The following BRAF variants were observed in gnomAD, a reference collection of about 807,000 sequenced individuals.
BRAF encodes the protein serine/threonine-protein kinase B-raf.
A neutral mutation model predicts 104.6 loss-of-function variants in BRAF; 16 were observed. That is an observed-to-expected ratio of 0.15 (90% CI 0.10 to 0.23). BRAF has a LOEUF of 0.23. Ranked by LOEUF, BRAF falls within the 10% of genes least tolerant of loss-of-function variation. BRAF has a pLI of 1.00. For missense variants in BRAF, 541 were observed against 937.3 expected, an observed-to-expected ratio of 0.58 and a Z score of 5.52; for synonymous variants, 310 against 341.6, an observed-to-expected ratio of 0.91 and a Z score of 1.02.
rs566795675 is a variant in BRAF, at chr7:140,924,246, C to T, written c.138+320G>A. Among the ~76,000 whole-genome samples, 1 of 152,138 alleles carries T rather than the reference C, an allele frequency of 6.6e-6. No individual in the cohort carries two copies. Among genetic ancestry groups the T allele is most frequent in the African/African-American group, 2.4e-5 (1 of 41,532 alleles). ...CCCCACAGAGATGCAGAGCTGGATA[C>T]TTCAGCCAATCGTGACCTTCTCGGA... On this transcript the variant is annotated intron_variant, in intron 1 of 19. Coordinates refer to ENST00000644969, the MANE Select transcript of BRAF (RefSeq NM_001374258.1). This position sits in a 1 kb window ranked among gnomAD's most constrained non-coding sequence, Gnocchi z 4.2.
chr7:140,896,863 C>CAAAAAAAAAAA (rs766150256), intron 1 of BRAF, among the ~76,000 whole-genome samples: 1 of 36,740 alleles, frequency 2.7e-5, no homozygotes, highest in Non-Finnish European at 6.2e-5. Context: ...GACTCCATCT[C>CAAAAAAAAAAA]AAAAAAAAAA....
Position 140,720,388 on chromosome 7 carries a change from G to A in BRAF, c.*6106C>T. On this transcript the variant is annotated 3_prime_UTR_variant, in exon 20 of 20. Transcript: ENST00000644969. ...GGACAGCACAGAGACATACACCCCT[G>A]TATGTAAACTAACATAACATGAAGA... 1 of 1,062,124 alleles carries A rather than the reference G, an allele frequency of 9.4e-7. No homozygotes were observed. Among genetic ancestry groups the A allele is most frequent in the South Asian group, 4.6e-5 (1 of 21,946 alleles). 65.8% of individuals were successfully genotyped at this position (1,062,124 alleles called of 1,614,324 possible). A position where few individuals can be genotyped will look rare whatever the true frequency, so the allele number is the denominator to read the frequency against.
chr7:140,922,951 A>G (rs1818383189), intron 1 of BRAF, among the ~76,000 whole-genome samples: 1 of 152,212 alleles, frequency 6.6e-6, no homozygotes, highest in Non-Finnish European at 1.5e-5. Context: ...CTTAGAAATC[A>G]AGAAGCTGGG....
chr7:140,757,826 A>C (rs1461952360), intron 14 of BRAF, among the ~76,000 whole-genome samples: 1 of 152,196 alleles, frequency 6.6e-6, no homozygotes, highest in Non-Finnish European at 1.5e-5. Context: ...TCAAGAGAGG[A>C]CTGAGGATAG....
At chr7:140,831,461 T>A in intron 3 of BRAF, among the ~76,000 whole-genome samples, 1 of 152,288 alleles carries the variant, frequency 6.6e-6, no homozygotes, top group East Asian at 1.9e-4. Flanking sequence ...AGCAGTCACA[T>A]AGAACTCTCC....
At chr7:140,885,903 G>T (rs1209344547) in intron 1 of BRAF, among the ~76,000 whole-genome samples, 2 of 152,108 alleles carry the variant, frequency 1.3e-5, no homozygotes, top group East Asian at 3.8e-4. Context: ...AATCATCAGT[G>T]GCATCAAGGT....
At chr7:140,742,384 G>T (rs978379539) in intron 17 of BRAF, among the ~76,000 whole-genome samples, 3 of 151,852 alleles carry the variant, frequency 2.0e-5, no homozygotes, top group East Asian at 1.9e-4. Context: ...AGTAGAGATG[G>T]GGTTTCACCA....
intron 17 of BRAF, chr7:140,741,691 A>G (rs6970893): frequency 0.3 from 45,501 of 152,008 alleles, 10,861 homozygotes; most frequent in African/African-American, 0.67. Flanking sequence ...AGGCGTGGTG[A>G]CTCACGCCTG....
intron 14 of BRAF, among the ~76,000 whole-genome samples, chr7:140,762,624 T>C (rs1423227389): frequency 1.5e-4 from 23 of 150,970 alleles, no homozygotes; most frequent in African/African-American, 5.4e-4. Context: ...TTTTTTTTTT[T>C]TAATTGATCA....
intron 1 of BRAF, among the ~76,000 whole-genome samples, chr7:140,916,119 C>T (rs1393135693): frequency 6.6e-6 from 1 of 152,206 alleles, no homozygotes; most frequent in African/African-American, 2.4e-5. Flanking sequence ...TCACCTGACC[C>T]TCTACTAGTC....
chr7:140,828,523 A>C (rs2129058419), intron 3 of BRAF, among the ~76,000 whole-genome samples: 1 of 152,330 alleles, frequency 6.6e-6, no homozygotes, highest in East Asian at 1.9e-4. Flanking sequence ...TGTGATATAC[A>C]TAAAGAATAA....
chr7:140,737,008 T>C (rs891635012), intron 18 of BRAF, among the ~76,000 whole-genome samples: 1 of 151,842 alleles, frequency 6.6e-6, no homozygotes, highest in Non-Finnish European at 1.5e-5. Flanking sequence ...TATGATCATA[T>C]TACTGCACTC....
chr7:140,756,785 C>T (rs1291942717), intron 14 of BRAF, among the ~76,000 whole-genome samples: 1 of 152,186 alleles, frequency 6.6e-6, no homozygotes, highest in East Asian at 1.9e-4. Flanking sequence ...ACAACACATT[C>T]TCTTGATAGG....
chr7:140,772,468 A>G (rs1420528987), intron 14 of BRAF, among the ~76,000 whole-genome samples: 2 of 152,100 alleles, frequency 1.3e-5, no homozygotes, highest in Non-Finnish European at 2.9e-5. Context: ...CAAAAAATAC[A>G]AAAACATGAG....
At chr7:140,749,466 G>C (rs1797613653) in intron 16 of BRAF, 48 bp from the exon 16 acceptor site, 1 of 1,594,984 alleles carries the variant, frequency 6.3e-7, no homozygotes, top group Non-Finnish European at 8.6e-7. Flanking sequence ...ATTGAATAAA[G>C]ACTGAAAAAC....
In BRAF at chr7:140,776,898, C is replaced by T. The variant is rs184144181; in HGVS notation, c.1814+14G>A. On this transcript the variant is annotated intron_variant, in intron 14 of 19. Transcript: ENST00000644969. ...CAAAAATAATTTACAAGACATTTAA[C>T]GAATGGAACTTACTCCATGCCCTGT... The T allele has an allele frequency of 1.5e-4, 242 of 1,608,754 alleles. 2 individuals carry two copies. Among genetic ancestry groups the T allele is most frequent in the South Asian group, 1.5e-3 (134 of 90,902 alleles).
Position 140,725,101 on chromosome 7 carries a change from T to A in BRAF, c.*1393A>T, listed in dbSNP as rs1245362299. The A allele has an allele frequency of 2.9e-6, 3 of 1,043,678 alleles. No homozygotes were observed. Among genetic ancestry groups the A allele is most frequent in the African/African-American group, 3.3e-5 (2 of 59,834 alleles). 64.7% of individuals were successfully genotyped at this position (1,043,678 alleles called of 1,614,324 possible). A position where few individuals can be genotyped will look rare whatever the true frequency, so the allele number is the denominator to read the frequency against. On this transcript the variant is annotated 3_prime_UTR_variant, in exon 20 of 20. Transcript: ENST00000644969. ...ATTCAGCTGCCAAATTGCCCAACCT[T>A]TTGAAGACCAGGCTTGGGAAAAAAG...
Position 140,782,927 on chromosome 7 carries a change from T to C in BRAF, c.1434+94A>G, listed in dbSNP as rs144870237. 72 of 1,425,828 alleles carry C rather than the reference T, an allele frequency of 5.0e-5. No homozygotes were observed. The African/African-American group carries it at 8.2e-4, about 16-fold the overall frequency. 88.3% of individuals were successfully genotyped at this position (1,425,828 alleles called of 1,614,324 possible). A position where few individuals can be genotyped will look rare whatever the true frequency, so the allele number is the denominator to read the frequency against. The stretch of plus-strand genomic sequence containing the variant: ...TTAATTATGGGAATTCTGTGTCACA[T>C]ATGGACATAATATATCTAAAGGATA... On this transcript the variant is annotated intron_variant, in intron 11 of 19. Transcript: ENST00000644969.
chr7:140,759,915 C>G (rs1390592633), intron 14 of BRAF, among the ~76,000 whole-genome samples: 1 of 152,076 alleles, frequency 6.6e-6, no homozygotes, highest in African/African-American at 2.4e-5. Context: ...TAAAAGGCTC[C>G]CAGGTGGTAC....
Sources: gnomAD v4.1 joint callset for allele counts (sites outside exome capture counted in the v4.1 genomes callset) on GRCh38, gnomAD v4.1.1 for gene constraint, Gnocchi (gnomAD v3.1) non-coding constraint, MANE v1.5 for transcripts, NCBI Gene and HGNC (gene_info 2026-07-23, HGNC 2026-07-21) for gene names.